Variants in COL25A1 observed in about 807,000 individuals in gnomAD.
COL25A1 encodes the protein collagen alpha-1(XXV) chain.
A neutral mutation model predicts 128.4 loss-of-function variants in COL25A1; 103 were observed. The observed-to-expected ratio is 0.80, with a 90% CI of 0.68 to 0.94. COL25A1 has a LOEUF of 0.94. Among genes scored for constraint, COL25A1 ranks in the 40% least tolerant of loss-of-function variants. The probability of loss-of-function intolerance (pLI) is 0.00; values close to 1 mark genes in which losing one functional copy is unlikely to be tolerated. For synonymous variants in COL25A1, 279 were observed against 277.2 expected, an observed-to-expected ratio of 1.01 and a Z score of -0.06; for missense variants, 745 against 840.0, an observed-to-expected ratio of 0.89 and a Z score of 1.40.
chr4:108,901,210 AC>A (rs1266602492), intron 13 of COL25A1, 38 bp from the exon 14 acceptor site: 1 of 1,421,554 alleles, frequency 7.0e-7, no homozygotes, highest in African/African-American at 1.4e-5. Context: ...AGTAAAATAG[AC>A]AAAATCAATA....
intron 24 of COL25A1, among the ~76,000 whole-genome samples, chr4:108,855,574 A>C (rs1736393272): frequency 6.6e-6 from 1 of 152,146 alleles, no homozygotes; most frequent in African/African-American, 2.4e-5. Flanking sequence ...CATGTGCCAT[A>C]TACTAATTCA....
At chr4:109,127,821 G>A (rs927591396) in intron 3 of COL25A1, among the ~76,000 whole-genome samples, 1 of 152,102 alleles carries the variant, frequency 6.6e-6, no homozygotes, top group Admixed American at 6.5e-5. Context: ...TTTGCGAGTA[G>A]AAAAAAGAGG....
At position 108,852,277 on chromosome 4, in the gene COL25A1, G is replaced by A; in HGVS notation, c.1348C>T (p.Pro450Ser). The part of the protein sequence containing the change: ...QRITTLTVTG[P>S]PGPPGPQGLQ... ...CCTTGAGGTCCAGGAGGTCCAGGGG[G>A]ACCCTAAATCAAGAAAAAGCACAGT... The change falls in exon 26 of 38, where the codon CCC becomes TCC. Residue 450 changes from proline to serine, a missense_variant. By Grantham distance (74) the Pro-to-Ser change is moderately conservative. Around this residue, in one of 3 missense-constraint regions of COL25A1, gnomAD observed 387 missense variants for 441.9 expected, o/e 0.88. Transcript: ENST00000399132. 1.9e-6 allele frequency: 3 copies of A among 1,588,930 alleles called. No homozygotes were observed. Among genetic ancestry groups the A allele is most frequent in the South Asian group, 1.2e-5 (1 of 86,324 alleles).
intron 3 of COL25A1, among the ~76,000 whole-genome samples, chr4:109,273,792 T>A (rs1782356986): frequency 6.6e-6 from 1 of 152,176 alleles, no homozygotes; most frequent in Non-Finnish European, 1.5e-5. Context: ...GCCTCAGTTT[T>A]CTTATATGCA....
chr4:109,111,042 G>A (rs3108937), intron 3 of COL25A1, among the ~76,000 whole-genome samples: 32,045 of 152,018 alleles, frequency 0.21, 4,023 homozygotes, highest in East Asian at 0.38. Flanking sequence ...TCAAAACCCC[G>A]TGTGGCACAT....
At chr4:108,968,208 C>T (rs921423874) in intron 8 of COL25A1, among the ~76,000 whole-genome samples, 18 of 152,072 alleles carry the variant, frequency 1.2e-4, no homozygotes, top group Admixed American at 1.3e-4. Context: ...AACTGTAGGC[C>T]TGAAATTGGT....
chr4:108,909,179 C>T (rs911681862), intron 13 of COL25A1, among the ~76,000 whole-genome samples: 12 of 152,298 alleles, frequency 7.9e-5, no homozygotes, highest in Admixed American at 2.0e-4. Flanking sequence ...GTTCAACCTA[C>T]GCCCAGGAAT....
chr4:109,211,041 T>C (rs1339808357), intron 3 of COL25A1, among the ~76,000 whole-genome samples: 1 of 151,474 alleles, frequency 6.6e-6, no homozygotes, highest in Non-Finnish European at 1.5e-5. Flanking sequence ...GAGAGGAGGG[T>C]GGATGAGAAC....
At chr4:108,824,339 G>A in intron 34 of COL25A1, 112 bp from the exon 35 acceptor site, 1 of 740,298 alleles carries the variant, frequency 1.4e-6, no homozygotes, top group Non-Finnish European at 2.3e-6. Context: ...AACAAGAAAT[G>A]GCTCACCAGT....
At chr4:109,263,369 AG>A (rs1781574767) in intron 3 of COL25A1, among the ~76,000 whole-genome samples, 1 of 152,188 alleles carries the variant, frequency 6.6e-6, no homozygotes, top group Non-Finnish European at 1.5e-5. Flanking sequence ...TTCAAATACT[AG>A]TAAGAAAAAT....
intron 3 of COL25A1, among the ~76,000 whole-genome samples, chr4:109,191,110 T>C (rs960928071): frequency 1.3e-5 from 2 of 152,164 alleles, no homozygotes; most frequent in Non-Finnish European, 2.9e-5. Flanking sequence ...AGCAAACAGC[T>C]TCCTAGAATA....
intron 3 of COL25A1, among the ~76,000 whole-genome samples, chr4:109,118,552 C>T (rs1213493824): frequency 6.6e-6 from 1 of 151,742 alleles, no homozygotes; most frequent in Non-Finnish European, 1.5e-5. Context: ...ACCACGGGAA[C>T]ACTAATCAAA....
intron 11 of COL25A1, among the ~76,000 whole-genome samples, chr4:108,929,917 T>A (rs1746526406): frequency 6.6e-6 from 1 of 152,190 alleles, no homozygotes; most frequent in African/African-American, 2.4e-5. Flanking sequence ...CCTTGGGGCA[T>A]AATGACATGA....
Position 109,004,798 on chromosome 4 carries a change from C to G in COL25A1, c.438+5560G>C, listed in dbSNP as rs146693104. 5.2e-3 allele frequency among the ~76,000 whole-genome samples: 797 copies of G among 152,264 alleles called. 3 individuals carry two copies. The highest frequency in any genetic ancestry group is 8.9e-3 in the Non-Finnish European group (603 of 68,014). On this transcript the variant is annotated intron_variant, in intron 6 of 37. Transcript: ENST00000399132. ...TGCCAGCACTATGCTTCCTGTAAAGCCTGCAGTACCGTGAGCCAGTTATAT... is the reference window on the plus strand; with the variant it reads ...TGCCAGCACTATGCTTCCTGTAAAGGCTGCAGTACCGTGAGCCAGTTATAT...
chr4:109,010,348 A>G lies in COL25A1; in HGVS notation c.438+10T>C, dbSNP rs1447556192. 1.9e-6 allele frequency: 3 copies of G among 1,575,894 alleles called. No individual in the cohort carries two copies. The highest frequency in any genetic ancestry group is 2.6e-6 in the Non-Finnish European group (3 of 1,164,914). On this transcript the variant is annotated intron_variant, in intron 6 of 37. Transcript: ENST00000399132. ...ATTGAAAATAATTTGCTAGAAAAGA[A>G]TTACCTTACCTGAGGACCAGGCTGT...
intron 6 of COL25A1, among the ~76,000 whole-genome samples, chr4:108,978,287 C>A (rs377046266): frequency 7.2e-5 from 11 of 152,208 alleles, no homozygotes; most frequent in Non-Finnish European, 1.6e-4. Flanking sequence ...GCTCCGGCCC[C>A]GACTTGTGCA....
At chr4:109,018,152 T>C (rs1757386619) in intron 5 of COL25A1, among the ~76,000 whole-genome samples, 1 of 152,148 alleles carries the variant, frequency 6.6e-6, no homozygotes, top group African/African-American at 2.4e-5. Flanking sequence ...GCAGGATTGT[T>C]CTGGTGGCAG....
intron 3 of COL25A1, among the ~76,000 whole-genome samples, chr4:109,166,365 A>T (rs1773074541): frequency 1.3e-5 from 2 of 152,154 alleles, no homozygotes; most frequent in African/African-American, 2.4e-5. Flanking sequence ...CTTTCTGCCA[A>T]TCTATTATTC....
At chr4:108,944,132 C>T (rs1748454740) in intron 8 of COL25A1, among the ~76,000 whole-genome samples, 1 of 152,186 alleles carries the variant, frequency 6.6e-6, no homozygotes, top group Non-Finnish European at 1.5e-5. Flanking sequence ...TACAACTTCT[C>T]AGGAAGCAAA....
Sources: allele counts gnomAD v4.1 joint callset (sites outside exome capture counted in the v4.1 genomes callset), GRCh38; gene constraint gnomAD v4.1.1; regional missense constraint gnomAD v4.1.1; transcripts MANE v1.5; gene names NCBI Gene and HGNC (gene_info 2026-07-23, HGNC 2026-07-21).